RNLS: variants seen among roughly 807,000 people sequenced by gnomAD.
The protein encoded by RNLS is renalase.
RNLS carries 39 observed loss-of-function variants against 39.8 expected under a neutral mutation model. The ratio of observed to expected loss-of-function variants is 0.98; its 90% CI spans 0.76 to 1.28. The LOEUF (loss-of-function observed/expected upper bound fraction) is 1.28. RNLS is among the 50% of genes most tolerant of loss of function. The pLI is 0.00. For synonymous variants in RNLS, 147 were observed against 150.7 expected (o/e 0.98, Z 0.18); for missense variants, 410 against 413.3 (o/e 0.99, Z 0.07).
chr10:88,543,358 A>T (rs1193625933), intron 4 of RNLS, among the ~76,000 whole-genome samples: 2 of 152,114 alleles, frequency 1.3e-5, no homozygotes, highest in African/African-American at 4.8e-5. Flanking sequence ...GGAACAACCA[A>T]ACACCAACAT....
chr10:88,424,584 G>A (rs78930597), intron 4 of RNLS, among the ~76,000 whole-genome samples: 2,079 of 152,142 alleles, frequency 0.014, 55 homozygotes, highest in African/African-American at 0.047. Flanking sequence ...ATCATAAAGT[G>A]TTCTATCACA....
At chr10:88,552,816 G>T (rs1208282740) in intron 4 of RNLS, among the ~76,000 whole-genome samples, 3 of 152,234 alleles carry the variant, frequency 2.0e-5, no homozygotes, top group African/African-American at 4.8e-5. Context: ...CTACATGAAA[G>T]AAAATTCTCT....
At chr10:88,228,952 C>G in the RNLS span, among the ~76,000 whole-genome samples, 1 of 152,148 alleles carries the variant, frequency 6.6e-6, no homozygotes, top group Non-Finnish European at 1.5e-5. Flanking sequence ...TCTTTGCATT[C>G]TCTATGTCCT....
chr10:88,341,957 G>GT (rs1271695303), intron 5 of RNLS, among the ~76,000 whole-genome samples: 4 of 151,956 alleles, frequency 2.6e-5, no homozygotes, highest in African/African-American at 9.7e-5. Context: ...CATATTCTAG[G>GT]TGCTCCCTGA....
intron 4 of RNLS, among the ~76,000 whole-genome samples, chr10:88,500,616 T>C (rs183260727): frequency 6.6e-6 from 1 of 152,316 alleles, no homozygotes; most frequent in African/African-American, 2.4e-5. Flanking sequence ...CTATTTAATG[T>C]TGACAACTCT....
At chr10:88,546,104 A>G (rs1212990366) in intron 4 of RNLS, among the ~76,000 whole-genome samples, 1 of 152,158 alleles carries the variant, frequency 6.6e-6, no homozygotes, top group Non-Finnish European at 1.5e-5. Flanking sequence ...TATGAGGAAT[A>G]TAGAATATTT....
At chr10:88,535,232 G>A (rs1297914020) in intron 4 of RNLS, among the ~76,000 whole-genome samples, 1 of 152,050 alleles carries the variant, frequency 6.6e-6, no homozygotes, top group Non-Finnish European at 1.5e-5. Flanking sequence ...GAGGAGACAG[G>A]ATTAAAGACA....
At chr10:88,293,481 TA>T (rs1843831696) in intron 6 of RNLS, among the ~76,000 whole-genome samples, 1 of 152,176 alleles carries the variant, frequency 6.6e-6, no homozygotes, top group African/African-American at 2.4e-5. Flanking sequence ...GAAAAAAAAG[TA>T]AGAATTCTGA....
chr10:88,266,050 G>A, the RNLS span, among the ~76,000 whole-genome samples: 1 of 152,158 alleles, frequency 6.6e-6, no homozygotes, highest in Non-Finnish European at 1.5e-5. Context: ...GTAATTTCCT[G>A]GGCTTTTTTA....
intron 4 of RNLS, among the ~76,000 whole-genome samples, chr10:88,542,961 A>G (rs1848125030): frequency 6.6e-6 from 1 of 152,172 alleles, no homozygotes; most frequent in South Asian, 2.1e-4. Flanking sequence ...AACAATGAGG[A>G]CAAAGTTACC....
At chr10:88,371,258 C>T (rs1320385076) in intron 4 of RNLS, among the ~76,000 whole-genome samples, 1 of 152,070 alleles carries the variant, frequency 6.6e-6, no homozygotes, top group Non-Finnish European at 1.5e-5. Context: ...AAAAATCCAA[C>T]ATGACCGTAC....
chr10:88,282,582 T>C (rs1843059644), downstream of RNLS, among the ~76,000 whole-genome samples: 1 of 151,346 alleles, frequency 6.6e-6, no homozygotes, highest in Non-Finnish European at 1.5e-5. Flanking sequence ...TTCTCTTCAG[T>C]TAACAAGGTA....
chr10:88,465,503 G>A (rs1480682092), intron 4 of RNLS, among the ~76,000 whole-genome samples: 4 of 152,112 alleles, frequency 2.6e-5, no homozygotes, highest in Non-Finnish European at 4.4e-5. Context: ...TGCAGTGCCA[G>A]TAAAAAGAGT....
the RNLS span, among the ~76,000 whole-genome samples, chr10:88,184,811 A>T: frequency 2.0e-5 from 3 of 152,142 alleles, no homozygotes; most frequent in Non-Finnish European, 4.4e-5. Flanking sequence ...GCAACCATAA[A>T]TCTTCCTATG....
At chr10:88,474,317 T>G (rs569328714) in intron 4 of RNLS, among the ~76,000 whole-genome samples, 45 of 152,260 alleles carry the variant, frequency 3.0e-4, no homozygotes, top group African/African-American at 1.1e-3. Context: ...TCCATTATCA[T>G]TGTTTCTGAA....
At chr10:88,472,045 G>A (rs1478011956) in intron 4 of RNLS, among the ~76,000 whole-genome samples, 1 of 152,174 alleles carries the variant, frequency 6.6e-6, no homozygotes, top group Non-Finnish European at 1.5e-5. Flanking sequence ...ACTCTTATCT[G>A]GAAGAATATT....
downstream of RNLS, among the ~76,000 whole-genome samples, chr10:88,281,668 C>T (rs1232936459): frequency 6.6e-6 from 1 of 152,136 alleles, no homozygotes; most frequent in East Asian, 1.9e-4. Context: ...TAAATTCTTG[C>T]ATCACTTTCG....
intron 4 of RNLS, among the ~76,000 whole-genome samples, chr10:88,506,253 A>G (rs554200183): frequency 6.6e-6 from 1 of 152,276 alleles, no homozygotes; most frequent in South Asian, 2.1e-4. Context: ...AAAAAGACAT[A>G]ACAACCTAAT....
intron 4 of RNLS, among the ~76,000 whole-genome samples, chr10:88,526,404 C>G (rs1847101930): frequency 6.6e-6 from 1 of 151,874 alleles, no homozygotes. Flanking sequence ...ACAATAAAAA[C>G]TGAATAAATC....
Sources: gnomAD v4.1 joint callset for allele counts (sites outside exome capture counted in the v4.1 genomes callset) on GRCh38, gnomAD v4.1.1 for gene constraint, MANE v1.5 for transcripts, NCBI Gene and HGNC (gene_info 2026-07-23, HGNC 2026-07-21) for gene names.